Variants in PRUNE2 observed in about 807,000 individuals in gnomAD.
The protein encoded by PRUNE2 is prune homolog 2 with BCH domain, also known as protein prune homolog 2.
In PRUNE2, 164 loss-of-function variants were observed where a neutral mutation model predicts 252.0. The observed-to-expected ratio is 0.65, with a 90% CI of 0.57 to 0.74. The LOEUF (loss-of-function observed/expected upper bound fraction) is 0.74. Among genes scored for constraint, PRUNE2 ranks in the 30% least tolerant of loss-of-function variants. The pLI, the probability that PRUNE2 is intolerant of heterozygous loss-of-function variation, is 0.00. For synonymous variants in PRUNE2, 1,292 were observed against 1,350.2 expected, an observed-to-expected ratio of 0.96 and a Z score of 0.94; for missense variants, 3,495 against 3,711.0, an observed-to-expected ratio of 0.94 and a Z score of 1.51.
At chr9:76,839,285 C>G (rs2059249541) in intron 4 of PRUNE2, among the ~76,000 whole-genome samples, 1 of 152,098 alleles carries the variant, frequency 6.6e-6, no homozygotes, top group Non-Finnish European at 1.5e-5. Flanking sequence ...GTACCAGAGA[C>G]ACAACAGTGA....
intron 9 of PRUNE2, among the ~76,000 whole-genome samples, chr9:76,700,730 G>A (rs1405925384): frequency 6.6e-6 from 1 of 152,124 alleles, no homozygotes; most frequent in Admixed American, 6.5e-5. Flanking sequence ...CATGGGCCCT[G>A]GGCACTCTGT....
chr9:76,762,341 C>T (rs1440554358), intron 6 of PRUNE2, among the ~76,000 whole-genome samples: 1 of 152,194 alleles, frequency 6.6e-6, no homozygotes, highest in Non-Finnish European at 1.5e-5. Context: ...GATCCAAAGT[C>T]ATTTCCGGAT....
intron 6 of PRUNE2, among the ~76,000 whole-genome samples, chr9:76,806,594 G>T (rs1414591455): frequency 6.8e-6 from 1 of 147,804 alleles, no homozygotes; most frequent in Non-Finnish European, 1.5e-5. Flanking sequence ...TGCAAGCTCC[G>T]CCTCCCGGGT....
At chr9:76,724,049 C>T (rs2047882692) in intron 6 of PRUNE2, among the ~76,000 whole-genome samples, 1 of 150,980 alleles carries the variant, frequency 6.6e-6, no homozygotes, top group South Asian at 2.1e-4. Flanking sequence ...CCCGCCTCAG[C>T]CTCCCAAAGT....
Position 76,614,546 on chromosome 9 carries a change from A to G in PRUNE2, c.*24T>C, listed in dbSNP as rs1209619305. 2 of 1,602,296 alleles carry G rather than the reference A, an allele frequency of 1.2e-6. No homozygotes were observed. The highest frequency in any genetic ancestry group is 1.7e-6 in the Non-Finnish European group (2 of 1,169,592). ...CAACAGAACCATGAACCAGAAAAGC[A>G]TCCTCTTCTTCCAGCATGGCCAACT... On this transcript the variant is annotated 3_prime_UTR_variant, in exon 19 of 19. Transcript: ENST00000376718.
intron 1 of PRUNE2, among the ~76,000 whole-genome samples, chr9:76,865,135 G>A (rs533471125): frequency 7.0e-4 from 107 of 152,306 alleles, no homozygotes; most frequent in African/African-American, 2.6e-3. Context: ...GTGCACCTCA[G>A]TGTTAGAGAA....
At chr9:76,764,737 T>C (rs2130802400) in intron 6 of PRUNE2, among the ~76,000 whole-genome samples, 1 of 152,290 alleles carries the variant, frequency 6.6e-6, no homozygotes, top group Middle Eastern at 3.4e-3. Flanking sequence ...AGTTAAGTTA[T>C]TGCAATGGTT....
At chr9:76,833,689 C>A (rs1232657593) in intron 4 of PRUNE2, among the ~76,000 whole-genome samples, 3 of 151,276 alleles carry the variant, frequency 2.0e-5, no homozygotes, top group Non-Finnish European at 4.4e-5. Flanking sequence ...GGGGTGAACC[C>A]GGGAGGCGGA....
intron 4 of PRUNE2, 61 bp from the exon 5 acceptor site, chr9:76,826,793 G>GA (rs1359550919): frequency 3.0e-6 from 4 of 1,339,794 alleles, no homozygotes; most frequent in Non-Finnish European, 4.1e-6. Context: ...CAGGGGCCAA[G>GA]AAAATCAGTG....
intron 9 of PRUNE2, among the ~76,000 whole-genome samples, chr9:76,682,447 C>T (rs1305346949): frequency 1.3e-5 from 2 of 148,258 alleles, no homozygotes; most frequent in African/African-American, 4.9e-5. Flanking sequence ...CAACAACCTT[C>T]GCCTCCTGGG....
intron 3 of PRUNE2, among the ~76,000 whole-genome samples, chr9:76,850,012 CGTT>C (rs1214985025): frequency 6.6e-6 from 1 of 151,688 alleles, no homozygotes; most frequent in Non-Finnish European, 1.5e-5. Flanking sequence ...TCTGCCTTGC[CGTT>C]GTTGTGTTGT....
intron 8 of PRUNE2, 132 bp from the exon 9 acceptor site, chr9:76,704,231 A>T (rs1233890018): frequency 2.3e-6 from 1 of 429,704 alleles, no homozygotes; most frequent in African/African-American, 2.1e-5. Context: ...TTATTTATTC[A>T]TTCATTCATT....
intron 7 of PRUNE2, 139 bp from the exon 8 acceptor site, chr9:76,711,497 T>C (rs897136996): frequency 1.6e-6 from 1 of 621,886 alleles, no homozygotes; most frequent in African/African-American, 1.8e-5. Context: ...ATCTCAAACT[T>C]AGAAAGTTCT....
At chr9:76,718,660 C>T (rs2047366767) in intron 6 of PRUNE2, among the ~76,000 whole-genome samples, 1 of 152,102 alleles carries the variant, frequency 6.6e-6, no homozygotes, top group African/African-American at 2.4e-5. Context: ...AACTTTGTTT[C>T]CTGTCCCCTT....
chr9:76,704,210 A>G lies in PRUNE2; in HGVS notation c.7514-111T>C, dbSNP rs1024825878. On this transcript the variant is annotated intron_variant, in intron 8 of 18. Transcript: ENST00000376718. ...TAAAAGAGGTAATTTAATATTTTTT[A>G]TATATTTTATTTATTTATTCATTCA... 17 of 463,442 alleles carry G rather than the reference A, an allele frequency of 3.7e-5. 1 individual carries two copies. The highest frequency in any genetic ancestry group is 4.6e-5 in the Non-Finnish European group (15 of 324,510). The allele number at this position is 463,442 out of a possible 1,614,324, so 28.7% of individuals were successfully genotyped here.
intron 9 of PRUNE2, among the ~76,000 whole-genome samples, chr9:76,670,972 T>C (rs1011964236): frequency 2.6e-5 from 4 of 152,098 alleles, no homozygotes; most frequent in Non-Finnish European, 5.9e-5. Context: ...ACAGAAAAAC[T>C]GGAAACTCTA....
rs774043371 is a variant in PRUNE2 at position 76,711,256 on chromosome 9, C to T, written c.1018G>A (p.Val340Met). Reference sequence around the variant, plus strand: ...ACGAGAACCACCTGATCACAAGTCACTGAAGGGTCCTCTTGTTGGTACACC... The same window carrying T: ...ACGAGAACCACCTGATCACAAGTCATTGAAGGGTCCTCTTGTTGGTACACC... ...ILVYQQEDPS[V>M]TCDQVVLVVK... Residue 340 changes from valine (V) to methionine (M), a missense_variant, in exon 8 of 19, where the codon GTG becomes ATG. Transcript: ENST00000376718. The T allele has an allele frequency of 1.9e-6, 3 of 1,613,914 alleles. No homozygotes were observed. The highest frequency in any genetic ancestry group is 2.2e-5 in the East Asian group (1 of 44,864).
At position 76,706,724 on chromosome 9, in the gene PRUNE2, G is replaced by C. The variant is rs1273199039; in HGVS notation, c.5550C>G (p.Asp1850Glu). The C allele has an allele frequency of 1.2e-6, 2 of 1,613,050 alleles. No individual in the cohort carries two copies. The highest frequency in any genetic ancestry group is 2.7e-5 in the African/African-American group (2 of 74,912). ...IESPFERELS[D>E]SSGVLEINSS... is the part of the protein sequence containing the mutation. ...AATTTATCTCCAACACACCACTGGAGTCAGACAGCTCCCTTTCAAATGGAC... is the reference window on the plus strand; with the variant it reads ...AATTTATCTCCAACACACCACTGGACTCAGACAGCTCCCTTTCAAATGGAC... The change falls in exon 8 of 19, where the codon GAC becomes GAG. Residue 1850 changes from aspartate (D) to glutamate (E), a missense_variant. By Grantham distance (45) the Asp-to-Glu change is conservative (BLOSUM62 2). Coordinates refer to ENST00000376718, the MANE Select transcript of PRUNE2 (RefSeq NM_015225.3).
rs117922664 is a variant in PRUNE2, at chr9:76,729,413, A to T, written c.757-15692T>A. Among the ~76,000 whole-genome samples the T allele has an allele frequency of 3.2e-3, 494 of 152,318 alleles. 1 individual carries two copies. Among genetic ancestry groups the T allele is most frequent in the Non-Finnish European group, 6.1e-3 (414 of 68,034 alleles). On this transcript the variant is annotated intron_variant, in intron 6 of 18. Coordinates refer to ENST00000376718, the MANE Select transcript of PRUNE2 (RefSeq NM_015225.3). The stretch of plus-strand genomic sequence containing the variant: ...GAACCACATTTTTATCTAAAGCAAG[A>T]CATTTCATTTTTCTGAGCCTCAGGT...
Sources: gnomAD v4.1 joint callset for allele counts (sites outside exome capture counted in the v4.1 genomes callset) on GRCh38, gnomAD v4.1.1 for gene constraint, MANE v1.5 for transcripts, NCBI Gene and HGNC (gene_info 2026-07-23, HGNC 2026-07-21) for gene names.